The following RANBP17 variants were observed in gnomAD, a reference collection of about 807,000 sequenced individuals.
RANBP17 encodes the protein ran-binding protein 17.
A neutral mutation model predicts 141.2 loss-of-function variants in RANBP17; 158 were observed. That is an observed-to-expected ratio of 1.12 (90% CI 0.98 to 1.28). The LOEUF is 1.28. RANBP17 is among the 50% of genes most tolerant of loss of function. The probability of loss-of-function intolerance (pLI) is 0.00; values close to 1 mark genes in which losing one functional copy is unlikely to be tolerated. For missense variants in RANBP17, 1,438 were observed against 1,290.7 expected, an observed-to-expected ratio of 1.11 and a Z score of -1.75; for synonymous variants, 430 against 450.0, an observed-to-expected ratio of 0.96 and a Z score of 0.56.
chr5:170,948,720 A>G (rs950947466), intron 12 of RANBP17, among the ~76,000 whole-genome samples: 34 of 152,324 alleles, frequency 2.2e-4, no homozygotes, highest in African/African-American at 6.5e-4. Flanking sequence ...TAAAGTTCAT[A>G]TGGAAATCCA....
At chr5:171,231,460 G>A (rs1764206011) in intron 22 of RANBP17, among the ~76,000 whole-genome samples, 2 of 151,962 alleles carry the variant, frequency 1.3e-5, no homozygotes, top group African/African-American at 4.8e-5. Flanking sequence ...TAGGATCCTT[G>A]CCATCTTCAA....
intron 19 of RANBP17, among the ~76,000 whole-genome samples, 186 bp downstream of exon 19, chr5:171,199,959 G>A (rs1165374256): frequency 6.6e-6 from 1 of 152,112 alleles, no homozygotes; most frequent in Admixed American, 6.5e-5. Context: ...GGACTTTGAG[G>A]TCAGCAAATA....
intron 12 of RANBP17, among the ~76,000 whole-genome samples, chr5:170,948,232 A>T (rs1222937255): frequency 1.3e-5 from 2 of 152,146 alleles, no homozygotes; most frequent in African/African-American, 4.8e-5. Context: ...GAGGAGCTAA[A>T]TGTAAGTGCA....
intron 14 of RANBP17, among the ~76,000 whole-genome samples, chr5:171,059,507 T>G (rs1783659043): frequency 6.6e-6 from 1 of 151,180 alleles, no homozygotes; most frequent in African/African-American, 2.4e-5. Flanking sequence ...GGCTCTGTTC[T>G]GTTCCATTGA....
intron 22 of RANBP17, among the ~76,000 whole-genome samples, chr5:171,231,701 G>T (rs1242160436): frequency 1.3e-5 from 2 of 152,148 alleles, no homozygotes; most frequent in South Asian, 4.2e-4. Context: ...CTTTAAATAC[G>T]GGGAATTTAT....
chr5:171,190,185 G>T (rs1340266375), intron 18 of RANBP17, among the ~76,000 whole-genome samples: 2 of 152,134 alleles, frequency 1.3e-5, no homozygotes, highest in Admixed American at 1.3e-4. Flanking sequence ...TTAGAAAGGG[G>T]GAAAGAAATT....
intron 22 of RANBP17, among the ~76,000 whole-genome samples, chr5:171,240,156 T>A (rs934016839): frequency 2.0e-5 from 3 of 150,076 alleles, no homozygotes; most frequent in African/African-American, 7.6e-5. Flanking sequence ...TTACTTTATA[T>A]TTTTTTAAAA....
chr5:171,235,040 G>A (rs1764450103), intron 22 of RANBP17, among the ~76,000 whole-genome samples: 1 of 152,178 alleles, frequency 6.6e-6, no homozygotes, highest in Non-Finnish European at 1.5e-5. Flanking sequence ...GAAGGAACTG[G>A]CAAAGAAGAG....
intron 8 of RANBP17, among the ~76,000 whole-genome samples, chr5:170,914,796 G>C (rs953656729): frequency 1.3e-5 from 2 of 152,080 alleles, no homozygotes; most frequent in African/African-American, 2.4e-5. Context: ...ATACAACTTT[G>C]AGACTCTTAG....
chr5:171,218,779 C>T (rs892541750), intron 21 of RANBP17, among the ~76,000 whole-genome samples: 2 of 148,406 alleles, frequency 1.3e-5, no homozygotes, highest in African/African-American at 2.5e-5. Flanking sequence ...CCCTTTATTT[C>T]GAGCCTGTCT....
chr5:171,294,951 A>G (rs1038532308), intron 26 of RANBP17, among the ~76,000 whole-genome samples: 1 of 152,232 alleles, frequency 6.6e-6, no homozygotes, highest in Non-Finnish European at 1.5e-5. Flanking sequence ...CATCATTATA[A>G]AAGGGAAAAA....
intron 14 of RANBP17, among the ~76,000 whole-genome samples, chr5:171,159,036 A>G (rs557352433): frequency 4.5e-4 from 68 of 152,346 alleles, no homozygotes; most frequent in African/African-American, 1.5e-3. Flanking sequence ...GCATTTAACC[A>G]CTTTGCTGAA....
chr5:171,266,872 C>G (rs1412213024), intron 25 of RANBP17, among the ~76,000 whole-genome samples: 1 of 151,354 alleles, frequency 6.6e-6, no homozygotes, highest in Non-Finnish European at 1.5e-5. Flanking sequence ...GAGATCACAC[C>G]ACTGCACTAC....
chr5:171,014,178 C>CT (rs544709457), intron 14 of RANBP17, among the ~76,000 whole-genome samples: 1 of 151,904 alleles, frequency 6.6e-6, no homozygotes, highest in Admixed American at 6.6e-5. Context: ...CATGGTATAT[C>CT]TTTTTTTCAT....
At chr5:170,924,308 AAGTGCT>A in intron 11 of RANBP17, 43 bp from the exon 12 acceptor site, 1 of 1,227,478 alleles carries the variant, frequency 8.1e-7, no homozygotes, top group Admixed American at 2.0e-5. Context: ...TGGTGAATAA[AAGTGCT>A]TCACATTCTA....
intron 23 of RANBP17, among the ~76,000 whole-genome samples, chr5:171,241,363 A>G (rs1333491884): frequency 1.3e-5 from 2 of 150,720 alleles, no homozygotes; most frequent in African/African-American, 2.4e-5. Context: ...TGCCCAATGT[A>G]GTAGCAGTAA....
chr5:171,201,523 G>A (rs1762295104), intron 19 of RANBP17, among the ~76,000 whole-genome samples: 5 of 152,232 alleles, frequency 3.3e-5, no homozygotes, highest in Admixed American at 3.3e-4. Flanking sequence ...CGCCCTGCAG[G>A]AAAATGGAGT....
Position 171,028,909 on chromosome 5 carries a change from C to T in RANBP17, c.1710+60532C>T, listed in dbSNP as rs115174770. 8.8e-3 allele frequency: 11,301 copies of T among 1,288,480 alleles called. 68 individuals are homozygous for T. The highest frequency in any genetic ancestry group is 0.01 in the Non-Finnish European group (10,263 of 988,252). The allele number at this position is 1,288,480 out of a possible 1,614,324, so 79.8% of individuals were successfully genotyped here. On this transcript the variant is annotated intron_variant, in intron 14 of 27. Transcript: ENST00000523189. ...TTCCTGTGAAGGGCTTGTGGCAAAC[C>T]TATCCAACTCGGGTTTCTTCTTCCT...
chr5:171,213,445 T>C (rs866675128), intron 20 of RANBP17, among the ~76,000 whole-genome samples, 186 bp from the exon 21 acceptor site: 1 of 152,170 alleles, frequency 6.6e-6, no homozygotes, highest in African/African-American at 2.4e-5. Context: ...CAAAAATGTA[T>C]GTATATCTGT....
Sources: allele counts gnomAD v4.1 joint callset (sites outside exome capture counted in the v4.1 genomes callset), GRCh38; gene constraint gnomAD v4.1.1; transcripts MANE v1.5; gene names NCBI Gene and HGNC (gene_info 2026-07-23, HGNC 2026-07-21).